ATXN1: variants seen among roughly 807,000 people sequenced by gnomAD.
The protein encoded by ATXN1 is ataxin 1.
ATXN1 carries 8 observed loss-of-function variants against 56.4 expected under a neutral mutation model. The observed-to-expected ratio is 0.14, with a 90% CI of 0.08 to 0.26. The LOEUF is 0.26. ATXN1 is among the 10% of genes least tolerant of loss of function. The pLI, the probability that ATXN1 is intolerant of heterozygous loss-of-function variation, is 1.00. For synonymous variants in ATXN1, 514 were observed against 494.6 expected (o/e 1.04, Z -0.52); for missense variants, 987 against 1,106.5 (o/e 0.89, Z 1.53).
At chr6:16,316,863 G>GTTTTTTTTTT in intron 7 of ATXN1, among the ~76,000 whole-genome samples, 1 of 84,242 alleles carries the variant, frequency 1.2e-5, no homozygotes, top group African/African-American at 8.5e-5. Flanking sequence ...GAGACTGCCT[G>GTTTTTTTTTT]TCTTTTTTTT....
chr6:16,639,139 C>A (rs1300277003), intron 3 of ATXN1, among the ~76,000 whole-genome samples: 2 of 152,194 alleles, frequency 1.3e-5, no homozygotes, highest in East Asian at 1.9e-4. Flanking sequence ...ATCAGCAGGA[C>A]ATGGGCAGGG....
chr6:16,576,191 C>G (rs1237057554), intron 4 of ATXN1, among the ~76,000 whole-genome samples: 1 of 152,016 alleles, frequency 6.6e-6, no homozygotes, highest in Non-Finnish European at 1.5e-5. Context: ...TAATGAAGAG[C>G]AAATAAGGAA....
At chr6:16,669,654 T>C (rs908230455) in intron 2 of ATXN1, among the ~76,000 whole-genome samples, 1 of 149,510 alleles carries the variant, frequency 6.7e-6, no homozygotes, top group Admixed American at 6.8e-5. Context: ...CTCTCTGAAC[T>C]GAACTGAACA....
rs1760223037 is a variant in ATXN1 at position 16,305,619 on chromosome 6, C to G, written c.*710G>C. 1 of 152,662 alleles carries G rather than the reference C, an allele frequency of 6.6e-6. No homozygotes were observed. The highest frequency in any genetic ancestry group is 1.5e-5 in the Non-Finnish European group (1 of 68,042). 9.5% of individuals were successfully genotyped at this position (152,662 alleles called of 1,614,324 possible). A position where few individuals can be genotyped will look rare whatever the true frequency, so the allele number is the denominator to read the frequency against. On this transcript the variant is annotated 3_prime_UTR_variant, in exon 8 of 8. Transcript: ENST00000436367. ...AGCAGAAATGAAATCCCGCATGTGG[C>G]AGTTGCTCTTTAAAAAAAATATATA...
At chr6:16,458,128 G>A (rs1456871061) in intron 6 of ATXN1, among the ~76,000 whole-genome samples, 1 of 152,136 alleles carries the variant, frequency 6.6e-6, no homozygotes, top group Non-Finnish European at 1.5e-5. Flanking sequence ...GAGATACCTG[G>A]TATCTTAGTC....
chr6:16,495,174 C>G (rs1760755172), intron 5 of ATXN1, among the ~76,000 whole-genome samples: 1 of 152,224 alleles, frequency 6.6e-6, no homozygotes, highest in Admixed American at 6.5e-5. Context: ...GTCCAGTCCT[C>G]TGACTTTAAG....
At chr6:16,668,601 G>A (rs1330761030) in intron 2 of ATXN1, among the ~76,000 whole-genome samples, 1 of 151,700 alleles carries the variant, frequency 6.6e-6, no homozygotes, top group East Asian at 1.9e-4. Flanking sequence ...AAGAGAATTA[G>A]GTCTGTCCTA....
At chr6:16,583,771 C>G (rs1034143515) in intron 4 of ATXN1, among the ~76,000 whole-genome samples, 1 of 152,156 alleles carries the variant, frequency 6.6e-6, no homozygotes, top group African/African-American at 2.4e-5. Context: ...ATCAGGAAGT[C>G]TCTCCAGGAC....
At chr6:16,752,252 G>T (rs1039693133) in intron 2 of ATXN1, among the ~76,000 whole-genome samples, 1 of 152,158 alleles carries the variant, frequency 6.6e-6, no homozygotes, top group African/African-American at 2.4e-5. Flanking sequence ...AAAGTAGAAT[G>T]AGCTTCTCAC....
chr6:16,319,217 C>CA (rs796984194), intron 7 of ATXN1, among the ~76,000 whole-genome samples: 3,386 of 139,210 alleles, frequency 0.024, 100 homozygotes, highest in African/African-American at 0.079. Context: ...GACCCTATCT[C>CA]AAAAAAAAAA....
At chr6:16,537,140 TATC>T (rs925823513) in intron 4 of ATXN1, among the ~76,000 whole-genome samples, 1 of 152,144 alleles carries the variant, frequency 6.6e-6, no homozygotes, top group African/African-American at 2.4e-5. Context: ...AGATTATTAT[TATC>T]TTTTATAAAA....
At chr6:16,628,895 T>C (rs543612739) in intron 3 of ATXN1, among the ~76,000 whole-genome samples, 1 of 152,356 alleles carries the variant, frequency 6.6e-6, no homozygotes, top group South Asian at 2.1e-4. Context: ...ATTCTGTGTC[T>C]TTGCTACTGT....
chr6:16,519,377 G>A (rs1319674034), intron 5 of ATXN1, among the ~76,000 whole-genome samples: 4 of 152,188 alleles, frequency 2.6e-5, no homozygotes, highest in Non-Finnish European at 5.9e-5. Context: ...TTATATAGAT[G>A]AGGAAACATT....
chr6:16,721,552 G>A (rs536213492), intron 2 of ATXN1, among the ~76,000 whole-genome samples: 6 of 152,222 alleles, frequency 3.9e-5, no homozygotes, highest in East Asian at 3.9e-4. Flanking sequence ...GCTTGAGCCC[G>A]GGTATTTGAG....
chr6:16,470,335 G>A (rs1322527672), intron 6 of ATXN1, among the ~76,000 whole-genome samples: 1 of 152,064 alleles, frequency 6.6e-6, no homozygotes, highest in Non-Finnish European at 1.5e-5. Context: ...GGAGGGTAGA[G>A]CATTAGTATT....
intron 5 of ATXN1, among the ~76,000 whole-genome samples, chr6:16,495,899 T>C (rs1204214396): frequency 6.6e-6 from 1 of 152,002 alleles, no homozygotes; most frequent in African/African-American, 2.4e-5. Flanking sequence ...ATTATTGGTA[T>C]ATTAGTAAAA....
chr6:16,461,326 G>A (rs979402201), intron 6 of ATXN1, among the ~76,000 whole-genome samples: 1 of 152,168 alleles, frequency 6.6e-6, no homozygotes, highest in Non-Finnish European at 1.5e-5. Flanking sequence ...GCCAGCCAGT[G>A]GAAAATACTT....
rs1760871072 is a variant in ATXN1, at chr6:16,327,807, T to C, written c.504A>G (p.Pro168=). ...AVASAAGATT[P]SQRSQLEAYS... The stretch of plus-strand genomic sequence containing the variant: ...AGGCCTCCAGCTGGGAGCGCTGGGA[T>C]GGAGTGGTGGCCCCTGCGGCCGAGG... Residue 168 remains proline, a synonymous_variant, in exon 7 of 8, where the codon CCA becomes CCG. Coordinates refer to ENST00000436367, the MANE Select transcript of ATXN1 (RefSeq NM_001128164.2). 2 of 1,609,178 alleles carry C rather than the reference T, an allele frequency of 1.2e-6. No individual in the cohort carries two copies. Among genetic ancestry groups the C allele is most frequent in the African/African-American group, 2.7e-5 (2 of 74,770 alleles).
intron 6 of ATXN1, among the ~76,000 whole-genome samples, chr6:16,472,623 A>C (rs1037372670): frequency 3.9e-5 from 6 of 152,316 alleles, no homozygotes; most frequent in African/African-American, 1.4e-4. Context: ...CTTCTTTATC[A>C]GTCCTCCACA....
Sources: gnomAD v4.1 joint callset for allele counts (sites outside exome capture counted in the v4.1 genomes callset) on GRCh38, gnomAD v4.1.1 for gene constraint, MANE v1.5 for transcripts, NCBI Gene and HGNC (gene_info 2026-07-23, HGNC 2026-07-21) for gene names.